The following UBR3 variants were observed in gnomAD, a reference collection of about 807,000 sequenced individuals.
The protein encoded by UBR3 is E3 ubiquitin-protein ligase UBR3.
In UBR3, 85 loss-of-function variants were observed where a neutral mutation model predicts 243.2. The ratio of observed to expected loss-of-function variants is 0.35; its 90% CI spans 0.29 to 0.42. The LOEUF (loss-of-function observed/expected upper bound fraction) is 0.42. Among genes scored for constraint, UBR3 ranks in the 10% least tolerant of loss-of-function variants. The probability of loss-of-function intolerance (pLI) is 1.00; values close to 1 mark genes in which losing one functional copy is unlikely to be tolerated. For missense variants in UBR3, 1,686 were observed against 2,300.8 expected (o/e 0.73, Z 5.47); for synonymous variants, 748 against 799.8 (o/e 0.94, Z 1.09).
intron 30 of UBR3, among the ~76,000 whole-genome samples, chr2:170,017,950 A>T (rs2105413255): frequency 6.6e-6 from 1 of 152,312 alleles, no homozygotes; most frequent in Admixed American, 6.5e-5. Flanking sequence ...TTCATAGAAA[A>T]GGAATCTCAA....
chr2:169,894,322 GAAAAAAAAAAA>G (rs59525862), intron 6 of UBR3, among the ~76,000 whole-genome samples: 5,787 of 78,390 alleles, frequency 0.074, 212 homozygotes, highest in Middle Eastern at 0.15. Flanking sequence ...TGACTCTTAA[GAAAAAAAAAAA>G]AAAAAAAAAA....
intron 35 of UBR3, among the ~76,000 whole-genome samples, chr2:170,069,707 C>T (rs1010038140): frequency 6.8e-6 from 1 of 146,512 alleles, no homozygotes; most frequent in Non-Finnish European, 1.5e-5. Context: ...AACATAATGT[C>T]CTTCAGATTC....
chr2:169,929,530 C>G (rs762347044), intron 18 of UBR3, among the ~76,000 whole-genome samples: 1 of 151,922 alleles, frequency 6.6e-6, no homozygotes, highest in African/African-American at 2.4e-5. Flanking sequence ...GAGACCCTAT[C>G]GTGGCCACTG....
chr2:170,077,647 G>A (rs2105460701), intron 36 of UBR3: 1 of 410,614 alleles, frequency 2.4e-6, no homozygotes, highest in Non-Finnish European at 4.4e-6. Flanking sequence ...GTGCAGTAGA[G>A]CGATCTTGGC....
intron 1 of UBR3, among the ~76,000 whole-genome samples, chr2:169,862,305 T>G (rs1371934639): frequency 6.6e-6 from 1 of 152,220 alleles, no homozygotes; most frequent in African/African-American, 2.4e-5. Context: ...TCTTAGAATT[T>G]ATCTAACAGT....
chr2:169,840,069 T>G lies in UBR3; in HGVS notation c.545+12017T>G, dbSNP rs1200634581. Among the ~76,000 whole-genome samples the G allele has an allele frequency of 1.8e-4, 28 of 151,974 alleles. 1 individual carries two copies. The highest frequency in any genetic ancestry group is 1.8e-3 in the Admixed American group (28 of 15,238). The stretch of plus-strand genomic sequence containing the variant: ...TGTTGTGCTTATCTGGGAGGGAGAG[T>G]TGTGTGTCTGTTCCCATACTTTTTT... On this transcript the variant is annotated intron_variant, in intron 1 of 38. Coordinates refer to ENST00000272793, the MANE Select transcript of UBR3 (RefSeq NM_172070.4).
chr2:170,016,310 T>C (rs1046459720), intron 30 of UBR3, among the ~76,000 whole-genome samples: 2 of 151,910 alleles, frequency 1.3e-5, no homozygotes, highest in South Asian at 4.1e-4. Flanking sequence ...TAAAGTCTTA[T>C]AAATTGCAGT....
rs374834650 is a variant in UBR3 at position 170,066,041 on chromosome 2, T to C, written c.5019+4598T>C. On this transcript the variant is annotated intron_variant, in intron 35 of 38. Coordinates refer to ENST00000272793, the MANE Select transcript of UBR3 (RefSeq NM_172070.4). ...ATGTTTTCTATGTGTCGCTAAAATG[T>C]AGAAACTTAATGGAATTTTTGAACA... 1.2e-4 allele frequency among the ~76,000 whole-genome samples: 19 copies of C among 152,238 alleles called. No individual in the cohort carries two copies. In the East Asian group the frequency reaches 1.4e-3, roughly 11 times the overall value.
At chr2:169,928,425 T>G (rs1180838171) in intron 17 of UBR3, among the ~76,000 whole-genome samples, 1 of 152,154 alleles carries the variant, frequency 6.6e-6, no homozygotes, top group Non-Finnish European at 1.5e-5. Context: ...GAAGACACAT[T>G]TTTAAAAGTT....
At chr2:169,875,473 C>T (rs756972895) in intron 2 of UBR3, among the ~76,000 whole-genome samples, 6 of 152,078 alleles carry the variant, frequency 3.9e-5, no homozygotes, top group South Asian at 2.1e-4. Context: ...GGACTACAGG[C>T]GCGCACCACC....
intron 35 of UBR3, among the ~76,000 whole-genome samples, chr2:170,063,783 CTT>C (rs1412544464): frequency 1.3e-5 from 2 of 152,148 alleles, no homozygotes; most frequent in Admixed American, 1.3e-4. Context: ...GCCTCCAACT[CTT>C]TGCTTCCATG....
chr2:169,996,688 C>CTTTTTTTTTTTTTTTTTTTT lies in UBR3; in HGVS notation c.3918+2236_3918+2237insTTTTTTTTTTTTTTTTTTTT, dbSNP rs1208683414. 3.4e-5 allele frequency among the ~76,000 whole-genome samples: 3 copies of CTTTTTTTTTTTTTTTTTTTT among 88,328 alleles called. 1 individual carries two copies. The highest frequency in any genetic ancestry group is 2.2e-5 in the Non-Finnish European group (1 of 44,930). 57.9% of individuals were successfully genotyped at this position (88,328 alleles called of 152,430 possible). A position where few individuals can be genotyped will look rare whatever the true frequency, so the allele number is the denominator to read the frequency against. On this transcript the variant is annotated intron_variant, in intron 26 of 38. Coordinates refer to ENST00000272793, the MANE Select transcript of UBR3 (RefSeq NM_172070.4). ...TTTCTTTGTTCTTTATTGCTTTGGACTTTTGTTTTTTTTTTTTTTTTTTTA... is the reference window on the plus strand; with the variant it reads ...TTTCTTTGTTCTTTATTGCTTTGGACTTTTTTTTTTTTTTTTTTTTTTTTGTTTTTTTTTTTTTTTTTTTA...
intron 23 of UBR3, among the ~76,000 whole-genome samples, chr2:169,953,306 C>T (rs1210148880): frequency 1.3e-5 from 2 of 152,106 alleles, no homozygotes; most frequent in Admixed American, 1.3e-4. Context: ...TTTGTCTTTC[C>T]TCTGGTTTCG....
At chr2:169,873,685 G>A (rs572566274) in intron 2 of UBR3, among the ~76,000 whole-genome samples, 12 of 151,418 alleles carry the variant, frequency 7.9e-5, no homozygotes, top group South Asian at 2.1e-4. Context: ...GCCCCACACC[G>A]CCCCCCAAAA....
In UBR3 at chr2:169,877,530, A is replaced by G. The variant is rs1397271449; in HGVS notation, c.881A>G (p.Glu294Gly). The G allele has an allele frequency of 6.5e-7, 1 of 1,543,254 alleles. No individual in the cohort carries two copies. The highest frequency in any genetic ancestry group is 8.7e-7 in the Non-Finnish European group (1 of 1,145,300). ...GENACVKKSHEKYLIALKSSG... is the reference protein window; with the variant it reads ...GENACVKKSHGKYLIALKSSG... ...AATGCTTGTGTAAAGAAAAGTCATG[A>G]AAAGTACCTTATAGCTTTAAAGAGC... Residue 294 changes from glutamate to glycine, a missense_variant, in exon 4 of 39, where the codon GAA (glutamate) becomes GGA (glycine). Glu to Gly is a moderately conservative substitution (Grantham distance 98). Transcript: ENST00000272793.
At chr2:169,836,043 C>A (rs13423610) in intron 1 of UBR3, among the ~76,000 whole-genome samples, 1,846 of 7,762 alleles carry the variant, frequency 0.24, 96 homozygotes, top group Non-Finnish European at 0.27. Flanking sequence ...CTCTCTCTCT[C>A]TATATATATA....
chr2:170,066,249 T>C (rs183115226), intron 35 of UBR3, among the ~76,000 whole-genome samples: 159 of 152,322 alleles, frequency 1.0e-3, no homozygotes, highest in African/African-American at 3.6e-3. Flanking sequence ...TCTATTAGAC[T>C]TCCTAATTTT....
At chr2:169,977,603 A>G (rs1272073768) in intron 24 of UBR3, among the ~76,000 whole-genome samples, 1 of 152,166 alleles carries the variant, frequency 6.6e-6, no homozygotes, top group Non-Finnish European at 1.5e-5. Flanking sequence ...TGGGAGGGAG[A>G]GAGAGAGAGG....
At position 169,903,067 on chromosome 2, in the gene UBR3, G is replaced by A. The variant is rs1257578678; in HGVS notation, c.1466-2047G>A. ...ATTTATTTATCACTTTATTCTCAGA[G>A]ATTAGTTGAAAACTTGACCCTTAGT... On this transcript the variant is annotated intron_variant, in intron 8 of 38. Transcript: ENST00000272793. 2.6e-5 allele frequency among the ~76,000 whole-genome samples: 4 copies of A among 152,148 alleles called. No individual in the cohort carries two copies. In the East Asian group the frequency reaches 7.7e-4, roughly 29 times the overall value.
Sources: gnomAD v4.1 joint callset for allele counts (sites outside exome capture counted in the v4.1 genomes callset) on GRCh38, gnomAD v4.1.1 for gene constraint, MANE v1.5 for transcripts, NCBI Gene and HGNC (gene_info 2026-07-23, HGNC 2026-07-21) for gene names.